Variants in TXLNA observed in about 807,000 individuals in gnomAD.
The protein encoded by TXLNA is alpha-taxilin.
In TXLNA, 9 loss-of-function variants were observed where a neutral mutation model predicts 61.4. That is an observed-to-expected ratio of 0.15 (90% CI 0.09 to 0.26). The LOEUF is 0.26. Ranked by LOEUF, TXLNA falls within the 10% of genes least tolerant of loss-of-function variation. TXLNA has a pLI of 1.00. For missense variants in TXLNA, 565 were observed against 688.8 expected (o/e 0.82, Z 2.01); for synonymous variants, 257 against 267.7 (o/e 0.96, Z 0.39).
intron 3 of TXLNA, among the ~76,000 whole-genome samples, chr1:32,182,480 G>A (rs567913744): frequency 6.6e-6 from 1 of 151,950 alleles, no homozygotes; most frequent in African/African-American, 2.4e-5. Flanking sequence ...TGGCCAACAT[G>A]ATGAAATCCC....
chr1:32,181,343 A>G lies in TXLNA; in HGVS notation c.271A>G (p.Asn91Asp), dbSNP rs1642653784. The G allele has an allele frequency of 6.2e-7, 1 of 1,614,038 alleles. No individual in the cohort carries two copies. The highest frequency in any genetic ancestry group is 1.3e-5 in the African/African-American group (1 of 74,920). ...ACTGAGCACATACTGTGTGGACAAT[A>G]ACCAGGGGGGCCCCGGCGAGGATGG... ...DILSTYCVDN[N>D]QGGPGEDGAQ... Residue 91 changes from asparagine to aspartate, a missense_variant, in exon 3 of 11, where the codon AAC becomes GAC. By Grantham distance (23) the Asn-to-Asp change is conservative. Around this residue, in one of 2 missense-constraint regions of TXLNA, gnomAD observed 192 missense variants for 184.8 expected, o/e 1.04. Transcript: ENST00000373610.
intron 6 of TXLNA, among the ~76,000 whole-genome samples, chr1:32,191,587 C>T (rs139594958): frequency 1.0e-3 from 159 of 152,260 alleles, no homozygotes; most frequent in Non-Finnish European, 2.1e-3. Flanking sequence ...CTTAGTACTA[C>T]CTGTGGAGAA....
Position 32,195,732 on chromosome 1 carries a change from C to T in TXLNA, c.*537C>T, listed in dbSNP as rs539965273. ...GTCCCTAGGCAGAGCCCTGGCAGGG[C>T]GCTCAGAGCTGGGGATTTCCTGCCT... On this transcript the variant is annotated 3_prime_UTR_variant, in exon 11 of 11. Transcript: ENST00000373610. The T allele has an allele frequency of 4.2e-5, 19 of 456,374 alleles. No homozygotes were observed. Among genetic ancestry groups the T allele is most frequent in the Middle Eastern group, 6.5e-4 (2 of 3,074 alleles). The allele number at this position is 456,374 out of a possible 1,614,324, so 28.3% of individuals were successfully genotyped here.
chr1:32,182,661 CAA>C (rs781479181), intron 3 of TXLNA, among the ~76,000 whole-genome samples: 38 of 88,318 alleles, frequency 4.3e-4, no homozygotes, highest in Admixed American at 3.5e-4. Flanking sequence ...AACTCTGTCT[CAA>C]AAAAAAAAAA....
In TXLNA at chr1:32,195,265, C is replaced by T; in HGVS notation, c.*70C>T. On this transcript the variant is annotated 3_prime_UTR_variant, in exon 11 of 11. Transcript: ENST00000373610. The stretch of plus-strand genomic sequence containing the variant: ...CCAGGCCTGGCCCATAAAAGGCTCC[C>T]ATGCTGAGCAGCCCATTGCTGAAGC... 4.1e-6 allele frequency: 6 copies of T among 1,469,930 alleles called. No homozygotes were observed. Among genetic ancestry groups the T allele is most frequent in the Non-Finnish European group, 5.4e-6 (6 of 1,102,154 alleles). The allele number at this position is 1,469,930 out of a possible 1,614,324, so 91.1% of individuals were successfully genotyped here.
In TXLNA at chr1:32,192,370, C is replaced by A; in HGVS notation, c.1023C>A (p.Leu341=). Residue 341 remains leucine (L), a synonymous_variant, in exon 7 of 11, where the codon CTC becomes CTA. Transcript: ENST00000373610. This position sits in a 1 kb window ranked among gnomAD's most constrained non-coding sequence, Gnocchi z 4.2. ...DLQQQLVDAK[L]QQAQEMLKEA... is the part of the protein sequence containing the mutation. ...AACAGCAGCTGGTGGATGCCAAGCTCCAGCAGGCCCAGGAGATGCTAAAGG... is the reference window on the plus strand; with the variant it reads ...AACAGCAGCTGGTGGATGCCAAGCTACAGCAGGCCCAGGAGATGCTAAAGG... The A allele has an allele frequency of 1.2e-6, 2 of 1,614,238 alleles. No individual in the cohort carries two copies. Among genetic ancestry groups the A allele is most frequent in the South Asian group, 1.1e-5 (1 of 91,086 alleles).
At chr1:32,189,892 C>G (rs1642867644) in intron 5 of TXLNA, among the ~76,000 whole-genome samples, 163 bp from the exon 6 acceptor site, 1 of 152,100 alleles carries the variant, frequency 6.6e-6, no homozygotes, top group Non-Finnish European at 1.5e-5. Context: ...ACCTGATATA[C>G]AGAGGGGCCC....
intron 5 of TXLNA, among the ~76,000 whole-genome samples, chr1:32,188,719 T>G (rs974417141): frequency 3.3e-5 from 5 of 152,158 alleles, no homozygotes; most frequent in Non-Finnish European, 5.9e-5. Flanking sequence ...GAGTACTGCT[T>G]GTAATCATTT....
chr1:32,180,361 A>G lies in TXLNA; in HGVS notation c.16A>G (p.Lys6Glu), dbSNP rs765084744. ...GCTCATCACAATGAAGAACCAAGAC[A>G]AAAAGAACGGGGCTGCCAAACAATC... MKNQD[K>E]KNGAAKQSNP... is the part of the protein sequence containing the mutation. The change falls in exon 2 of 11, where the codon AAA becomes GAA. Residue 6 changes from lysine to glutamate, a missense_variant. Around this residue, in one of 2 missense-constraint regions of TXLNA, gnomAD observed 192 missense variants for 184.8 expected, o/e 1.04. Transcript: ENST00000373610. 1 of 1,611,780 alleles carries G rather than the reference A, an allele frequency of 6.2e-7. No individual in the cohort carries two copies. The highest frequency in any genetic ancestry group is 1.3e-5 in the African/African-American group (1 of 74,618).
intron 5 of TXLNA, 110 bp from the exon 6 acceptor site, chr1:32,189,945 C>T: frequency 8.3e-7 from 1 of 1,204,956 alleles, no homozygotes; most frequent in Non-Finnish European, 1.2e-6. Context: ...CTGGCTACTC[C>T]ACGCTTTGGG....
At chr1:32,185,460 T>G (rs1243695924) in intron 4 of TXLNA, among the ~76,000 whole-genome samples, 1 of 152,112 alleles carries the variant, frequency 6.6e-6, no homozygotes, top group Non-Finnish European at 1.5e-5. Flanking sequence ...TGGCACGATC[T>G]CGGCTCGCTG....
At chr1:32,187,855 G>T in intron 4 of TXLNA, 99 bp from the exon 5 acceptor site, 1 of 1,341,472 alleles carries the variant, frequency 7.5e-7, no homozygotes, top group East Asian at 2.4e-5. Flanking sequence ...GAGAGGGTAA[G>T]GGTCAGGGCA....
intron 9 of TXLNA, 129 bp downstream of exon 9, chr1:32,193,429 C>A: frequency 1.4e-6 from 1 of 694,272 alleles, no homozygotes. Flanking sequence ...GGTTCACAGC[C>A]TTTCCCCTCT....
In TXLNA at chr1:32,185,731, G is replaced by A. The variant is rs1184507989; in HGVS notation, c.597+1115G>A. On this transcript the variant is annotated intron_variant, in intron 4 of 10. Transcript: ENST00000373610. The stretch of plus-strand genomic sequence containing the variant: ...TTTATTTATTCAGAGTCAGAGTCTC[G>A]CTCTGTCACCAGGCTGGAGTGCAGT... Among the ~76,000 whole-genome samples, 7 of 138,886 alleles carry A rather than the reference G, an allele frequency of 5.0e-5. No homozygotes were observed. The East Asian group carries it at 1.3e-3, about 26-fold the overall frequency. 91.1% of individuals were successfully genotyped at this position (138,886 alleles called of 152,430 possible).
At chr1:32,189,833 G>A (rs898183383) in intron 5 of TXLNA, among the ~76,000 whole-genome samples, 6 of 151,902 alleles carry the variant, frequency 3.9e-5, no homozygotes, top group African/African-American at 1.2e-4. Flanking sequence ...GAGCCACCGC[G>A]CCTGCCATGT....
At chr1:32,189,701 C>T (rs1452946200) in intron 5 of TXLNA, among the ~76,000 whole-genome samples, 6 of 152,086 alleles carry the variant, frequency 3.9e-5, no homozygotes, top group Admixed American at 2.6e-4. Flanking sequence ...CACACCATCA[C>T]GCCGGCTAAT....
intron 4 of TXLNA, among the ~76,000 whole-genome samples, chr1:32,187,335 T>C (rs893642871): frequency 6.6e-6 from 1 of 152,246 alleles, no homozygotes; most frequent in African/African-American, 2.4e-5. Context: ...TAATTACTTA[T>C]GTGGTTTGCA....
chr1:32,184,737 C>A, intron 4 of TXLNA, 121 bp downstream of exon 4: 1 of 623,692 alleles, frequency 1.6e-6, no homozygotes, highest in Non-Finnish European at 2.9e-6. Context: ...TTTCTCTGAA[C>A]TATCTGTTAA....
intron 1 of TXLNA, 104 bp downstream of exon 1, chr1:32,179,880 G>T (rs974638505): frequency 6.6e-6 from 1 of 152,382 alleles, no homozygotes; most frequent in African/African-American, 2.4e-5. Flanking sequence ...TGGGCCGGGG[G>T]CTGTCTGGGG....
Sources: gnomAD v4.1 joint callset for allele counts (sites outside exome capture counted in the v4.1 genomes callset) on GRCh38, gnomAD v4.1.1 for gene constraint, gnomAD v4.1.1 regional missense constraint, Gnocchi (gnomAD v3.1) non-coding constraint, MANE v1.5 for transcripts, NCBI Gene and HGNC (gene_info 2026-07-23, HGNC 2026-07-21) for gene names.